The following DAB1 variants were observed in gnomAD, a reference collection of about 807,000 sequenced individuals.
The protein encoded by DAB1 is disabled homolog 1.
In DAB1, 15 loss-of-function variants were observed where a neutral mutation model predicts 64.6. The ratio of observed to expected loss-of-function variants is 0.23; its 90% confidence interval spans 0.16 to 0.36. The LOEUF is 0.36. Ranked by LOEUF, DAB1 falls within the 10% of genes least tolerant of loss-of-function variation. The pLI is 1.00. For missense variants in DAB1, 596 were observed against 706.7 expected, an observed-to-expected ratio of 0.84 and a Z score of 1.78; for synonymous variants, 235 against 251.9, an observed-to-expected ratio of 0.93 and a Z score of 0.64.
chr1:57,852,624 G>A (rs1309409291), intron 1 of DAB1, among the ~76,000 whole-genome samples: 1 of 151,888 alleles, frequency 6.6e-6, no homozygotes, highest in Non-Finnish European at 1.5e-5. Flanking sequence ...CAGGAATAAT[G>A]TGACACACAT....
intron 9 of DAB1, among the ~76,000 whole-genome samples, chr1:57,044,558 C>G (rs1648217998): frequency 6.6e-6 from 1 of 152,180 alleles, no homozygotes; most frequent in African/African-American, 2.4e-5. Context: ...GTGCTGGACA[C>G]CTTATCTCTG....
At chr1:58,081,362 G>C (rs1275663818) in intron 5 of DAB1, among the ~76,000 whole-genome samples, 1 of 152,090 alleles carries the variant, frequency 6.6e-6, no homozygotes, top group African/African-American at 2.4e-5. Flanking sequence ...GTTTTTTGCT[G>C]GTGCCATGTG....
At chr1:57,157,485 G>C (rs777949952) in intron 2 of DAB1, among the ~76,000 whole-genome samples, 1 of 152,128 alleles carries the variant, frequency 6.6e-6, no homozygotes, top group African/African-American at 2.4e-5. Context: ...AGATTTGGTT[G>C]TTGGTGAGGG....
intron 3 of DAB1, among the ~76,000 whole-genome samples, chr1:58,374,212 T>G (rs1446569058): frequency 1.5e-5 from 2 of 130,122 alleles, no homozygotes; most frequent in African/African-American, 2.8e-5. Flanking sequence ...TTTTGGCTTT[T>G]GTTGCCATTG....
chr1:57,182,866 T>C (rs892452708), intron 2 of DAB1, among the ~76,000 whole-genome samples: 68 of 152,118 alleles, frequency 4.5e-4, no homozygotes, highest in African/African-American at 1.6e-3. Flanking sequence ...CTGTCTAATA[T>C]GTGAGACACT....
intron 1 of DAB1, among the ~76,000 whole-genome samples, chr1:57,382,242 CAG>C (rs1681443793): frequency 6.6e-6 from 1 of 152,134 alleles, no homozygotes; most frequent in African/African-American, 2.4e-5. Context: ...GGCTGAGAAT[CAG>C]AGAGATTTGA....
At chr1:57,473,263 G>A (rs532897318) in intron 7 of DAB1, among the ~76,000 whole-genome samples, 33 of 152,308 alleles carry the variant, frequency 2.2e-4, no homozygotes, top group African/African-American at 7.7e-4. Flanking sequence ...ACCTCACACA[G>A]TGTGTGGTAG....
intron 5 of DAB1, among the ~76,000 whole-genome samples, chr1:58,050,031 C>T (rs1647536567): frequency 8.5e-5 from 13 of 152,124 alleles, no homozygotes; most frequent in Admixed American, 7.2e-4. Flanking sequence ...GAGACCATAA[C>T]AATGAGTAGA....
chr1:57,848,549 G>A (rs966857717), intron 1 of DAB1, among the ~76,000 whole-genome samples: 11 of 152,312 alleles, frequency 7.2e-5, no homozygotes, highest in African/African-American at 2.6e-4. Context: ...ACAGCCTTGT[G>A]AAGTTGGGGA....
intron 7 of DAB1, 116 bp from the exon 8 acceptor site, chr1:57,069,541 G>C (rs1054265282): frequency 1.0e-5 from 8 of 783,478 alleles, no homozygotes; most frequent in South Asian, 4.5e-5. Flanking sequence ...AGGCACAAGA[G>C]AAAACACCTT....
rs183046218 is a variant in DAB1 at position 57,537,284 on chromosome 1, A to G, written n.625+112308T>C. On this transcript the variant is annotated intron_variant and non_coding_transcript_variant, in intron 7 of 20. Transcript: ENST00000485760. ...TGTGAACCACCTTGGGAGCTTTTCC[A>G]AAAGAGAGATTCCAGGTCTCCATTC... Among the ~76,000 whole-genome samples the G allele has an allele frequency of 1.4e-4, 21 of 152,294 alleles. No homozygotes were observed. In the East Asian group the frequency reaches 4.1e-3, roughly 29 times the overall value.
At chr1:58,016,012 G>C (rs550716113) in intron 5 of DAB1, among the ~76,000 whole-genome samples, 1 of 152,174 alleles carries the variant, frequency 6.6e-6, no homozygotes, top group East Asian at 1.9e-4. Context: ...GCCTAGGGGG[G>C]GGTAGTTGAG....
At chr1:57,652,184 A>G (rs1040447051) in intron 6 of DAB1, among the ~76,000 whole-genome samples, 6 of 152,296 alleles carry the variant, frequency 3.9e-5, no homozygotes, top group Admixed American at 3.9e-4. Flanking sequence ...CTATTGCAGA[A>G]CCTAAGATTG....
At chr1:57,304,451 A>C (rs918604524) in intron 1 of DAB1, among the ~76,000 whole-genome samples, 4 of 152,094 alleles carry the variant, frequency 2.6e-5, no homozygotes, top group Non-Finnish European at 5.9e-5. Context: ...GGTGTCTGAC[A>C]AAGAAAAGCC....
chr1:57,759,123 C>G (rs1056296879), intron 6 of DAB1, among the ~76,000 whole-genome samples: 3 of 151,752 alleles, frequency 2.0e-5, no homozygotes, highest in African/African-American at 7.2e-5. Flanking sequence ...AGCCTGATAC[C>G]CAGCCAGGAA....
chr1:57,214,910 C>CAA (rs56175448), intron 2 of DAB1, among the ~76,000 whole-genome samples: 1,686 of 58,632 alleles, frequency 0.029, 134 homozygotes, highest in African/African-American at 0.11. Context: ...GATTCCCTCT[C>CAA]AAAAAAAAAA....
chr1:58,085,059 C>T (rs965544786), intron 5 of DAB1, among the ~76,000 whole-genome samples: 22 of 151,948 alleles, frequency 1.4e-4, no homozygotes, highest in East Asian at 7.7e-4. Flanking sequence ...TTAATGAGGG[C>T]CAGTGAAATG....
intron 7 of DAB1, among the ~76,000 whole-genome samples, chr1:57,438,394 G>GA (rs1553181851): frequency 1.3e-5 from 2 of 150,674 alleles, no homozygotes; most frequent in Admixed American, 6.6e-5. Flanking sequence ...ATAGTGGTTT[G>GA]TTTTTTTTTC....
At chr1:57,153,536 A>G (rs1659896248) in intron 2 of DAB1, among the ~76,000 whole-genome samples, 1 of 152,236 alleles carries the variant, frequency 6.6e-6, no homozygotes, top group African/African-American at 2.4e-5. Flanking sequence ...ACTAACAATC[A>G]TAATGAGACA....
Sources: gnomAD v4.1 joint callset for allele counts (sites outside exome capture counted in the v4.1 genomes callset) on GRCh38, gnomAD v4.1.1 for gene constraint, MANE v1.5 for transcripts, NCBI Gene and HGNC (gene_info 2026-07-23, HGNC 2026-07-21) for gene names.